The following LRBA variants were observed in gnomAD, a reference collection of about 807,000 sequenced individuals.
LRBA encodes the protein LPS responsive beige-like anchor protein.
Under a neutral mutation model 330.0 loss-of-function variants are expected in LRBA, and 176 were observed. The observed-to-expected ratio is 0.53, with a 90% CI of 0.47 to 0.60. LRBA has a LOEUF of 0.60. Ranked by LOEUF, LRBA falls within the 20% of genes least tolerant of loss-of-function variation. LRBA has a pLI of 0.00. For synonymous variants in LRBA, 1,230 were observed against 1,193.0 expected, an observed-to-expected ratio of 1.03 and a Z score of -0.64; for missense variants, 3,259 against 3,444.8, an observed-to-expected ratio of 0.95 and a Z score of 1.35.
chr4:150,595,266 A>G (rs1773361932), intron 38 of LRBA, among the ~76,000 whole-genome samples: 1 of 151,966 alleles, frequency 6.6e-6, no homozygotes, highest in African/African-American at 2.4e-5. Flanking sequence ...AATTAGGAGA[A>G]TAAGCCAGGT....
intron 36 of LRBA, among the ~76,000 whole-genome samples, chr4:150,700,874 C>T (rs1285401569): frequency 2.0e-5 from 3 of 151,786 alleles, no homozygotes; most frequent in Admixed American, 2.0e-4. Flanking sequence ...TCTCCCACTT[C>T]AGCTTTCTGA....
intron 53 of LRBA, among the ~76,000 whole-genome samples, chr4:150,298,474 G>A (rs982615560): frequency 6.6e-6 from 1 of 151,876 alleles, no homozygotes; most frequent in Non-Finnish European, 1.5e-5. Flanking sequence ...TAGGATTTAC[G>A]GTAATGACTT....
At chr4:150,669,218 T>C (rs1406028944) in intron 37 of LRBA, among the ~76,000 whole-genome samples, 1 of 152,192 alleles carries the variant, frequency 6.6e-6, no homozygotes, top group Non-Finnish European at 1.5e-5. Flanking sequence ...AATTTGACAA[T>C]TTTATAAGTT....
At chr4:150,856,688 T>C (rs968499540) in intron 22 of LRBA, among the ~76,000 whole-genome samples, 1 of 152,202 alleles carries the variant, frequency 6.6e-6, no homozygotes, top group Non-Finnish European at 1.5e-5. Context: ...TATTATCTTT[T>C]TGGATGCTGT....
intron 33 of LRBA, among the ~76,000 whole-genome samples, chr4:150,804,993 G>C (rs1742346284): frequency 1.3e-5 from 2 of 151,908 alleles, no homozygotes; most frequent in South Asian, 2.1e-4. Flanking sequence ...CGAAGATGAA[G>C]ATTGGTATTT....
intron 40 of LRBA, among the ~76,000 whole-genome samples, chr4:150,533,901 T>C (rs943844097): frequency 3.3e-5 from 5 of 152,186 alleles, no homozygotes; most frequent in African/African-American, 7.2e-5. Context: ...TTCTGTTTTA[T>C]GGCAGAATGT....
chr4:150,884,071 A>AT (rs1445144070), intron 17 of LRBA, among the ~76,000 whole-genome samples: 5 of 152,284 alleles, frequency 3.3e-5, no homozygotes, highest in Middle Eastern at 3.4e-3. Context: ...TACTCCTGTC[A>AT]TTACCACCCC....
intron 2 of LRBA, among the ~76,000 whole-genome samples, chr4:150,933,736 G>A (rs1734759453): frequency 6.6e-6 from 1 of 152,108 alleles, no homozygotes; most frequent in Admixed American, 6.6e-5. Flanking sequence ...ATGCAGCCAG[G>A]TAGGGTGGCT....
In LRBA at chr4:150,285,915, AAGGTACCAC is replaced by A; in HGVS notation, c.8119+9_8119+17del. The A allele has an allele frequency of 1.4e-6, 2 of 1,463,216 alleles. No individual in the cohort carries two copies. The highest frequency in any genetic ancestry group is 2.8e-5 in the South Asian group (2 of 70,458). 90.6% of individuals were successfully genotyped at this position (1,463,216 alleles called of 1,614,324 possible). ...CAGCAAGAAATGCATCCATTTTGTG[AAGGTACCAC>A]AGGTTTACCTTGTGAACCACTCAAC... On this transcript the variant is annotated intron_variant, in intron 54 of 56. Coordinates refer to ENST00000651943, the MANE Select transcript of LRBA (RefSeq NM_001364905.1).
chr4:150,912,927 T>G (rs1283135491), intron 9 of LRBA, among the ~76,000 whole-genome samples: 2 of 152,196 alleles, frequency 1.3e-5, no homozygotes, highest in African/African-American at 4.8e-5. Context: ...CTCAAGATAT[T>G]TTCTAATTTT....
intron 37 of LRBA, among the ~76,000 whole-genome samples, chr4:150,603,068 A>G (rs1260777496): frequency 6.6e-6 from 1 of 152,156 alleles, no homozygotes; most frequent in Non-Finnish European, 1.5e-5. Context: ...GATCCTCAAA[A>G]TCTTCAAAGT....
chr4:150,445,041 A>G (rs1433023914), intron 44 of LRBA, among the ~76,000 whole-genome samples: 3 of 152,204 alleles, frequency 2.0e-5, no homozygotes, highest in African/African-American at 7.2e-5. Context: ...AAGGATAATT[A>G]CTAAAAATGT....
chr4:150,494,734 G>A (rs934445519), intron 40 of LRBA, among the ~76,000 whole-genome samples: 97 of 152,098 alleles, frequency 6.4e-4, no homozygotes, highest in African/African-American at 2.1e-3. Flanking sequence ...GGTGGCTCAC[G>A]CCTGTAATCC....
At chr4:150,844,014 C>G (rs988488092) in intron 28 of LRBA, 86 bp downstream of exon 28, 1 of 786,332 alleles carries the variant, frequency 1.3e-6, no homozygotes, top group African/African-American at 1.7e-5. Context: ...TTTGATATCA[C>G]AAAGAATTTT....
chr4:150,545,436 C>T (rs1765750681), intron 40 of LRBA, among the ~76,000 whole-genome samples: 1 of 151,976 alleles, frequency 6.6e-6, no homozygotes. Flanking sequence ...ATTATTAATT[C>T]TTTTATTTTA....
rs1299304939 is a variant in LRBA, at chr4:151,014,874, T to G, written c.-219-13A>C. 1 of 501,946 alleles carries G rather than the reference T, an allele frequency of 2.0e-6. No homozygotes were observed. Among genetic ancestry groups the G allele is most frequent in the African/African-American group, 1.9e-5 (1 of 52,922 alleles). The allele number at this position is 501,946 out of a possible 1,614,324, so 31.1% of individuals were successfully genotyped here. A position where few individuals can be genotyped will look rare whatever the true frequency, so the allele number is the denominator to read the frequency against. On this transcript the variant is annotated splice_polypyrimidine_tract_variant and intron_variant, in intron 1 of 56. Coordinates refer to ENST00000651943, the MANE Select transcript of LRBA (RefSeq NM_001364905.1). ...ACAACGCCAAACCCTATTGGAAGAT[T>G]AAATATATGTTAAATAGGCTAGGTT...
chr4:150,782,394 A>G (rs1738375628), intron 34 of LRBA, among the ~76,000 whole-genome samples: 1 of 152,228 alleles, frequency 6.6e-6, no homozygotes, highest in Non-Finnish European at 1.5e-5. Flanking sequence ...TAAAGGCCAG[A>G]AGTCTGAAAT....
At chr4:150,894,398 A>G (rs530062961) in intron 16 of LRBA, among the ~76,000 whole-genome samples, 2 of 152,330 alleles carry the variant, frequency 1.3e-5, no homozygotes, top group East Asian at 3.9e-4. Context: ...TACCACTAAT[A>G]TGTGGTAGTA....
At chr4:150,648,815 G>C (rs1228336265) in intron 37 of LRBA, among the ~76,000 whole-genome samples, 1 of 152,074 alleles carries the variant, frequency 6.6e-6, no homozygotes, top group Non-Finnish European at 1.5e-5. Flanking sequence ...GAGTTCTGCT[G>C]AGAGTATCCA....
Sources: allele counts gnomAD v4.1 joint callset (sites outside exome capture counted in the v4.1 genomes callset), GRCh38; gene constraint gnomAD v4.1.1; transcripts MANE v1.5; gene names NCBI Gene and HGNC (gene_info 2026-07-23, HGNC 2026-07-21).